ACSM3: variants seen among roughly 807,000 people sequenced by gnomAD.
ACSM3 encodes acyl-CoA synthetase medium chain family member 3, also known as acyl-coenzyme A synthetase ACSM3, mitochondrial.
Under a neutral mutation model 74.1 loss-of-function variants are expected in ACSM3, and 61 were observed. The ratio of observed to expected loss-of-function variants is 0.82; its 90% CI spans 0.67 to 1.02. ACSM3 has a LOEUF of 1.02. Ranked by LOEUF, ACSM3 falls within the 50% of genes least tolerant of loss-of-function variation. The pLI is 0.00. For synonymous variants in ACSM3, 213 were observed against 241.5 expected, an observed-to-expected ratio of 0.88 and a Z score of 1.09; for missense variants, 660 against 697.0, an observed-to-expected ratio of 0.95 and a Z score of 0.60.
intron 1 of ACSM3, among the ~76,000 whole-genome samples, chr16:20,683,549 A>G (rs560423402): frequency 4.7e-5 from 7 of 150,382 alleles, no homozygotes; most frequent in Non-Finnish European, 3.0e-5. Flanking sequence ...CTTATTTTCT[A>G]TTTCAAAATG....
At chr16:20,772,257 C>A (rs917816706) in intron 2 of ACSM3, among the ~76,000 whole-genome samples, 1 of 151,948 alleles carries the variant, frequency 6.6e-6, no homozygotes, top group Non-Finnish European at 1.5e-5. Context: ...TTTGTATAGT[C>A]CCATTTGTCT....
intron 1 of ACSM3, chr16:20,738,079 T>G (rs1369602242): frequency 2.2e-6 from 2 of 890,840 alleles, no homozygotes; most frequent in East Asian, 2.4e-5. Context: ...GAATTTTAAA[T>G]GAATCTACCT....
At chr16:20,725,671 G>A (rs975449621) in intron 1 of ACSM3, among the ~76,000 whole-genome samples, 8 of 152,152 alleles carry the variant, frequency 5.3e-5, no homozygotes, top group East Asian at 3.9e-4. Context: ...CACCATCTGC[G>A]ACAATCAAAA....
intron 1 of ACSM3, chr16:20,685,519 C>A (rs1725083655): frequency 2.0e-6 from 2 of 990,256 alleles, no homozygotes; most frequent in Non-Finnish European, 3.2e-6. Flanking sequence ...GGACTGAGAT[C>A]CCATTTTAAA....
chr16:20,702,696 G>T (rs1266959672), intron 1 of ACSM3: 1 of 152,132 alleles, frequency 6.6e-6, no homozygotes, highest in Non-Finnish European at 1.5e-5. Flanking sequence ...TCAGTTCCTT[G>T]TAGATTCTGG....
At chr16:20,690,875 C>T (rs1427035357) in intron 1 of ACSM3, 1 of 927,024 alleles carries the variant, frequency 1.1e-6, no homozygotes, top group African/African-American at 1.7e-5. Context: ...AAGCTTCTTC[C>T]ACAACACTGA....
chr16:20,691,073 C>T, intron 1 of ACSM3: 1 of 1,613,914 alleles, frequency 6.2e-7, no homozygotes, highest in African/African-American at 1.3e-5. Context: ...GTCATTCCAT[C>T]TTGGGGCTCC....
chr16:20,720,873 T>C (rs1407613682), intron 1 of ACSM3: 1 of 152,184 alleles, frequency 6.6e-6, no homozygotes. Context: ...ATGGTAAAAA[T>C]GCTGACTTAC....
Position 20,702,521 on chromosome 16 carries a change from G to T in ACSM3, c.-190+27699G>T, listed in dbSNP as rs540053873. ...TCACCATTCTGACTGACGTGAGATG[G>T]TATCTCATTGTGATTTTGATTTGCA... On this transcript the variant is annotated intron_variant, in intron 1 of 3. Transcript: ENST00000561584. Among the ~76,000 whole-genome samples, 11 of 152,260 alleles carry T rather than the reference G, an allele frequency of 7.2e-5. No individual in the cohort carries two copies. The East Asian group carries it at 1.5e-3, about 21-fold the overall frequency.
chr16:20,742,635 CTG>C (rs1484642312), intron 1 of ACSM3, among the ~76,000 whole-genome samples: 1 of 111,680 alleles, frequency 9.0e-6, no homozygotes, highest in African/African-American at 3.1e-5. Flanking sequence ...AAGCGAGGCT[CTG>C]TCTCAAAAAA....
intron 1 of ACSM3, among the ~76,000 whole-genome samples, chr16:20,713,835 A>C (rs1176044016): frequency 1.3e-5 from 2 of 152,166 alleles, no homozygotes; most frequent in Non-Finnish European, 2.9e-5. Context: ...CATAACTCCA[A>C]AAAGGGCACA....
At chr16:20,734,880 T>C (rs1451294218) in intron 1 of ACSM3, 1 of 152,226 alleles carries the variant, frequency 6.6e-6, no homozygotes, top group Non-Finnish European at 1.5e-5. Flanking sequence ...AGACAAAATT[T>C]CAAGCTGAGC....
rs556859243 is a variant in ACSM3 at position 20,790,040 on chromosome 16, G to A, written c.1225-547G>A. ...TATTACCAAAATGTGATTATTGCTG[G>A]ATGGTAAAATTTTTAAAAAATTTTA... On this transcript the variant is annotated intron_variant, in intron 9 of 13. Coordinates refer to ENST00000289416, the MANE Select transcript of ACSM3 (RefSeq NM_005622.4). This position sits in a 1 kb window ranked among gnomAD's most constrained non-coding sequence, Gnocchi z 4.0. Among the ~76,000 whole-genome samples the A allele has an allele frequency of 6.6e-6, 1 of 152,074 alleles. No homozygotes were observed. Among genetic ancestry groups the A allele is most frequent in the Non-Finnish European group, 1.5e-5 (1 of 68,032 alleles).
chr16:20,681,242 A>G (rs1012806456), intron 1 of ACSM3: 15 of 152,228 alleles, frequency 9.9e-5, no homozygotes, highest in South Asian at 4.1e-4. Context: ...ACAAATGAGA[A>G]ATGCTATATA....
Position 20,770,214 on chromosome 16 carries a change from T to A in ACSM3, c.180T>A (p.Phe60Leu). 3.7e-6 allele frequency: 6 copies of A among 1,614,184 alleles called. No homozygotes were observed. The highest frequency in any genetic ancestry group is 5.1e-6 in the Non-Finnish European group (6 of 1,180,020). Residue 60 changes from phenylalanine to leucine, a missense_variant, in exon 2 of 14, where the codon TTT becomes TTA. Transcript: ENST00000289416. ...FKLGIPEYFN[F>L]AKDVLDQWTD... ...TGGGGATTCCAGAGTATTTCAACTT[T>A]GCTAAAGATGTCCTGGACCAATGGA...
At chr16:20,776,575 G>A (rs762216077) in intron 3 of ACSM3, among the ~76,000 whole-genome samples, 3 of 152,176 alleles carry the variant, frequency 2.0e-5, no homozygotes, top group Non-Finnish European at 2.9e-5. Flanking sequence ...TATCCTTTGA[G>A]AAAATAATAC....
chr16:20,728,138 T>C, intron 1 of ACSM3: 1 of 272,576 alleles, frequency 3.7e-6, no homozygotes, highest in South Asian at 4.9e-5. Flanking sequence ...TTTTGTCTAC[T>C]TATGCAAAGT....
chr16:20,682,355 T>C (rs1416361412), intron 1 of ACSM3: 1 of 1,614,010 alleles, frequency 6.2e-7, no homozygotes, highest in African/African-American at 1.3e-5. Context: ...GGAGTCCACC[T>C]CTGAGGCAAG....
At chr16:20,746,346 CTAT>C (rs1470868691) in intron 1 of ACSM3, among the ~76,000 whole-genome samples, 1 of 152,104 alleles carries the variant, frequency 6.6e-6, no homozygotes, top group Non-Finnish European at 1.5e-5. Context: ...CATTATTTGT[CTAT>C]TATTCTCTAA....
Sources: gnomAD v4.1 joint callset for allele counts (sites outside exome capture counted in the v4.1 genomes callset) on GRCh38, gnomAD v4.1.1 for gene constraint, Gnocchi (gnomAD v3.1) non-coding constraint, MANE v1.5 for transcripts, NCBI Gene and HGNC (gene_info 2026-07-23, HGNC 2026-07-21) for gene names.